Variants in PAN3 observed in about 807,000 individuals in gnomAD.
PAN3 encodes poly(A) specific ribonuclease subunit PAN3.
PAN3 carries 19 observed loss-of-function variants against 96.2 expected under a neutral mutation model. The observed-to-expected ratio is 0.20, with a 90% CI of 0.14 to 0.29. The LOEUF is 0.29. Among genes scored for constraint, PAN3 ranks in the 10% least tolerant of loss-of-function variants. The pLI, the probability that PAN3 is intolerant of heterozygous loss-of-function variation, is 1.00. For missense variants in PAN3, 882 were observed against 1,108.1 expected (o/e 0.80, Z 2.90); for synonymous variants, 433 against 406.6 (o/e 1.06, Z -0.78).
intron 6 of PAN3, among the ~76,000 whole-genome samples, chr13:28,250,446 A>T (rs982293281): frequency 2.0e-5 from 3 of 151,930 alleles, no homozygotes; most frequent in East Asian, 1.9e-4. Flanking sequence ...GCTCACTGCA[A>T]CCTCTGCCTC....
chr13:28,193,617 C>T (rs1190626520), intron 4 of PAN3, among the ~76,000 whole-genome samples: 1 of 151,540 alleles, frequency 6.6e-6, no homozygotes, highest in African/African-American at 2.4e-5. Flanking sequence ...GTGGTACACA[C>T]CTGTAGTCCC....
chr13:28,271,641 G>C (rs1316507476), intron 13 of PAN3, among the ~76,000 whole-genome samples: 1 of 152,128 alleles, frequency 6.6e-6, no homozygotes, highest in African/African-American at 2.4e-5. Context: ...TACATCTTTT[G>C]CAAGTGTTAG....
At chr13:28,229,245 G>A (rs896210337) in intron 6 of PAN3, among the ~76,000 whole-genome samples, 3 of 152,222 alleles carry the variant, frequency 2.0e-5, no homozygotes, top group African/African-American at 7.2e-5. Flanking sequence ...TGCATCTTTT[G>A]TAATGACTTT....
chr13:28,152,893 G>A (rs963072350), intron 1 of PAN3, among the ~76,000 whole-genome samples: 1 of 152,130 alleles, frequency 6.6e-6, no homozygotes, highest in Admixed American at 6.6e-5. Flanking sequence ...AAAGATTGTT[G>A]ATACCTAGTG....
intron 1 of PAN3, among the ~76,000 whole-genome samples, chr13:28,164,918 A>T (rs543221743): frequency 1.3e-5 from 2 of 151,374 alleles, no homozygotes; most frequent in Non-Finnish European, 3.0e-5. Flanking sequence ...AGAAGTTCTT[A>T]TTTTTTTTTA....
intron 4 of PAN3, among the ~76,000 whole-genome samples, chr13:28,186,551 TTGTTTATC>T (rs1436326421): frequency 3.2e-5 from 3 of 93,028 alleles, no homozygotes; most frequent in Non-Finnish European, 5.1e-5. Flanking sequence ...ATTTAAAAGT[TTGTTTATC>T]TAATTATGTA....
At chr13:28,164,477 G>C (rs1310291273) in intron 1 of PAN3, among the ~76,000 whole-genome samples, 1 of 152,214 alleles carries the variant, frequency 6.6e-6, no homozygotes, top group Non-Finnish European at 1.5e-5. Context: ...CATCTTCTCT[G>C]TAATGCCCTA....
intron 5 of PAN3, among the ~76,000 whole-genome samples, chr13:28,201,785 A>G (rs2138260110): frequency 6.6e-6 from 1 of 152,092 alleles, no homozygotes; most frequent in South Asian, 2.1e-4. Flanking sequence ...TTTTTCTTGT[A>G]TGTCATTGAT....
intron 5 of PAN3, among the ~76,000 whole-genome samples, chr13:28,212,265 G>A (rs1405070556): frequency 1.3e-5 from 2 of 152,184 alleles, no homozygotes; most frequent in Non-Finnish European, 1.5e-5. Context: ...TCCCTCAGTA[G>A]TGGGGCCAAA....
At chr13:28,214,973 CA>C in intron 5 of PAN3, 1 of 1,371,210 alleles carries the variant, frequency 7.3e-7, no homozygotes, top group Non-Finnish European at 1.0e-6. Context: ...TTGGTGTTAA[CA>C]AAATGGATTC....
At chr13:28,229,970 T>C (rs1395549389) in intron 6 of PAN3, among the ~76,000 whole-genome samples, 1 of 152,164 alleles carries the variant, frequency 6.6e-6, no homozygotes, top group Non-Finnish European at 1.5e-5. Context: ...GTCATTCTTA[T>C]CTCCTCTTTC....
intron 4 of PAN3, among the ~76,000 whole-genome samples, chr13:28,184,475 A>G (rs1362054705): frequency 2.0e-5 from 3 of 152,138 alleles, no homozygotes; most frequent in Non-Finnish European, 4.4e-5. Flanking sequence ...GCCACTGGTA[A>G]TATGGAGAGG....
At chr13:28,260,384 A>G in intron 7 of PAN3, 63 bp from the exon 8 acceptor site, 3 of 1,277,546 alleles carry the variant, frequency 2.3e-6, no homozygotes, top group Non-Finnish European at 3.4e-6. Context: ...ACAGAGCAAG[A>G]CTCCATCTGA....
rs552066470 is a variant in PAN3, at chr13:28,293,351, A to T, written c.*829A>T. ...AAATTGTGTTAAAGGCCTAAAGTTC[A>T]GGAGTGTATTACTTTAGGTTCTTTC... On this transcript the variant is annotated 3_prime_UTR_variant, in exon 19 of 19. Transcript: ENST00000380958. 7.4e-6 allele frequency: 1 copy of T among 134,766 alleles called. No homozygotes were observed. Among genetic ancestry groups the T allele is most frequent in the Admixed American group, 7.7e-5 (1 of 13,068 alleles). The allele number at this position is 134,766 out of a possible 1,614,324, so 8.3% of individuals were successfully genotyped here.
At position 28,280,393 on chromosome 13, in the gene PAN3, C is replaced by T. The variant is rs374361082; in HGVS notation, c.2190-19C>T. The T allele has an allele frequency of 1.0e-5, 16 of 1,589,128 alleles. No individual in the cohort carries two copies. The African/African-American group carries it at 1.4e-4, about 13-fold the overall frequency. ...TTGCATGTTGGACATCCAAGTAATT[C>T]CTCTTTTATCTTGGGTAGGTATTTG... On this transcript the variant is annotated intron_variant, in intron 15 of 18. Transcript: ENST00000380958.
intron 5 of PAN3, chr13:28,215,632 T>C (rs1880655729): frequency 8.2e-7 from 1 of 1,216,106 alleles, no homozygotes; most frequent in Non-Finnish European, 1.2e-6. Flanking sequence ...TTTGCTGAGC[T>C]GAAGGTAAAG....
At chr13:28,243,718 T>G (rs1883895016) in intron 6 of PAN3, among the ~76,000 whole-genome samples, 1 of 152,152 alleles carries the variant, frequency 6.6e-6, no homozygotes, top group African/African-American at 2.4e-5. Context: ...AGAGGGAGTG[T>G]TGCTCTGTCA....
intron 18 of PAN3, among the ~76,000 whole-genome samples, chr13:28,291,846 A>G (rs965566546): frequency 6.6e-5 from 10 of 152,194 alleles, no homozygotes; most frequent in Non-Finnish European, 1.5e-4. Context: ...TTAAATAAAT[A>G]AAAATAAAAA....
chr13:28,257,158 C>T (rs1452874552), intron 7 of PAN3, among the ~76,000 whole-genome samples: 1 of 151,748 alleles, frequency 6.6e-6, no homozygotes, highest in Admixed American at 6.6e-5. Flanking sequence ...AAGAGGTGGC[C>T]CCAGAGGAAA....
Sources: allele counts gnomAD v4.1 joint callset (sites outside exome capture counted in the v4.1 genomes callset), GRCh38; gene constraint gnomAD v4.1.1; transcripts MANE v1.5; gene names NCBI Gene and HGNC (gene_info 2026-07-23, HGNC 2026-07-21).